Variants in TACC2 observed in about 807,000 individuals in gnomAD.
TACC2 encodes transforming acidic coiled-coil-containing protein 2.
A neutral mutation model predicts 227.3 loss-of-function variants in TACC2; 137 were observed. The observed-to-expected ratio is 0.60, with a 90% CI of 0.52 to 0.69. The LOEUF (loss-of-function observed/expected upper bound fraction) is 0.69, where lower values mean the gene tolerates loss of function less well. TACC2 is among the 30% of genes least tolerant of loss of function. The probability of loss-of-function intolerance (pLI) is 0.00; values close to 1 mark genes in which losing one functional copy is unlikely to be tolerated. For synonymous variants in TACC2, 1,523 were observed against 1,487.5 expected (o/e 1.02, Z -0.55); for missense variants, 3,470 against 3,694.4 (o/e 0.94, Z 1.57).
chr10:122,021,986 G>C lies in TACC2; in HGVS notation c.5G>C (p.Gly2Ala). 1.9e-6 allele frequency: 3 copies of C among 1,614,090 alleles called. No homozygotes were observed. Among genetic ancestry groups the C allele is most frequent in the Non-Finnish European group, 2.5e-6 (3 of 1,179,998 alleles). ...CGCTGGGAACACTGAATCAACATGG[G>C]CAATGAGAACAGCACCTCGGACAAC... Reference protein sequence around the residue: MGNENSTSDNQR... With the variant: MANENSTSDNQR... Residue 2 changes from glycine (G) to alanine (A), a missense_variant, in exon 2 of 23, where the codon GGC becomes GCC. This residue lies in a region of TACC2 where 405 missense variants were observed against 389.6 expected (regional missense o/e 1.04). Coordinates refer to ENST00000369005, the MANE Select transcript of TACC2 (RefSeq NM_206862.4).
At chr10:122,001,312 G>T (rs978344891) in intron 1 of TACC2, among the ~76,000 whole-genome samples, 1 of 152,208 alleles carries the variant, frequency 6.6e-6, no homozygotes, top group Non-Finnish European at 1.5e-5. Flanking sequence ...GGCAGAAGGC[G>T]AATGAGGAGC....
In TACC2 at chr10:122,194,952, C is replaced by T; in HGVS notation, c.5835-88C>T. 1 of 1,392,688 alleles carries T rather than the reference C, an allele frequency of 7.2e-7. No homozygotes were observed. 86.3% of individuals were successfully genotyped at this position (1,392,688 alleles called of 1,614,324 possible). ...GTTTAACTGAGCAGCGAGCCAGAAC[C>T]CACTGGCTCTGGGTGCGAAGGCCAC... On this transcript the variant is annotated intron_variant, in intron 7 of 22. Coordinates refer to ENST00000369005, the MANE Select transcript of TACC2 (RefSeq NM_206862.4). This position sits in a 1 kb window ranked among gnomAD's most constrained non-coding sequence, Gnocchi z 4.4.
chr10:122,224,631 C>A, intron 11 of TACC2, 95 bp from the exon 12 acceptor site: 1 of 1,082,404 alleles, frequency 9.2e-7, no homozygotes, highest in Non-Finnish European at 1.4e-6. Context: ...TGTGATAGCT[C>A]CCACCCTGCC....
intron 9 of TACC2, chr10:122,213,490 C>T: frequency 9.3e-7 from 1 of 1,078,770 alleles, no homozygotes; most frequent in Non-Finnish European, 1.4e-6. Context: ...TGATGTGTTT[C>T]TGTGGTGGGC....
chr10:122,207,490 G>GTC, intron 8 of TACC2, among the ~76,000 whole-genome samples: 1 of 152,288 alleles, frequency 6.6e-6, no homozygotes, highest in East Asian at 1.9e-4. Context: ...AGTGTTGGTT[G>GTC]TCACAGCTGG....
intron 1 of TACC2, among the ~76,000 whole-genome samples, chr10:121,998,397 C>A (rs1259761866): frequency 6.6e-6 from 1 of 151,698 alleles, no homozygotes; most frequent in Non-Finnish European, 1.5e-5. Flanking sequence ...CACTATGACC[C>A]TTGTCCTAGG....
intron 5 of TACC2, among the ~76,000 whole-genome samples, chr10:122,115,234 A>G (rs1217625495): frequency 3.9e-5 from 6 of 152,212 alleles, no homozygotes; most frequent in Non-Finnish European, 7.4e-5. Context: ...GTTGAATTGA[A>G]TGACACAGCC....
Position 122,183,656 on chromosome 10 carries a change from C to A in TACC2, c.5835-11384C>A, listed in dbSNP as rs530218572. Among the ~76,000 whole-genome samples, 10 of 152,280 alleles carry A rather than the reference C, an allele frequency of 6.6e-5. No individual in the cohort carries two copies. The South Asian group carries it at 1.9e-3, about 28-fold the overall frequency. On this transcript the variant is annotated intron_variant, in intron 7 of 22. Coordinates refer to ENST00000369005, the MANE Select transcript of TACC2 (RefSeq NM_206862.4). The stretch of plus-strand genomic sequence containing the variant: ...GATGCAGAAACTCTGCTGATTCGTT[C>A]CCCTGGAGGAGAGGTTGCTCTGGGA...
At chr10:122,047,633 A>C (rs2075177660) in intron 2 of TACC2, among the ~76,000 whole-genome samples, 2 of 152,216 alleles carry the variant, frequency 1.3e-5, no homozygotes, top group South Asian at 2.1e-4. Context: ...ATAATCGGTT[A>C]TGTCTAGATT....
intron 5 of TACC2, among the ~76,000 whole-genome samples, chr10:122,119,283 C>T (rs989851996): frequency 2.0e-5 from 3 of 152,202 alleles, no homozygotes; most frequent in African/African-American, 4.8e-5. Flanking sequence ...GGTTAATGAA[C>T]TTGCCTAGGG....
Position 122,223,036 on chromosome 10 carries a change from CCTCT to C in TACC2, c.7547-1675_7547-1672del, listed in dbSNP as rs11385698. On this transcript the variant is annotated intron_variant, in intron 11 of 22. Coordinates refer to ENST00000369005, the MANE Select transcript of TACC2 (RefSeq NM_206862.4). ...TGTCCATCCCTGTCTCCTTCCTCCT[CCTCT>C]CTCTCTCTCTCTCTTTTTTTTTTTT... Among the ~76,000 whole-genome samples, 891 of 141,038 alleles carry C rather than the reference CCTCT, an allele frequency of 6.3e-3. 11 individuals carry two copies. Among genetic ancestry groups the C allele is most frequent in the African/African-American group, 0.021 (794 of 38,444 alleles). 92.5% of individuals were successfully genotyped at this position (141,038 alleles called of 152,430 possible).
chr10:122,203,684 A>G lies in TACC2; in HGVS notation c.5972-6713A>G, dbSNP rs1395678977. 6.2e-5 allele frequency among the ~76,000 whole-genome samples: 9 copies of G among 146,034 alleles called. No homozygotes were observed. In the East Asian group the frequency reaches 8.4e-4, roughly 14 times the overall value. On this transcript the variant is annotated intron_variant, in intron 8 of 22. Coordinates refer to ENST00000369005, the MANE Select transcript of TACC2 (RefSeq NM_206862.4). ...TCCTCACTTTCCAGACTGGGCAGCC[A>G]GGCAGAGGGGCTCCTCACATCCCAG... is the stretch of plus-strand genomic sequence containing the variant.
In TACC2 at chr10:122,078,552, C is replaced by G. The variant is rs547777745; in HGVS notation, c.147-4095C>G. 2.0e-5 allele frequency among the ~76,000 whole-genome samples: 3 copies of G among 152,306 alleles called. No homozygotes were observed. In the East Asian group the frequency reaches 5.8e-4, roughly 29 times the overall value. The stretch of plus-strand genomic sequence containing the variant: ...TGGAGGCTCTAGTCCCTGGGCCCTC[C>G]CTGACCTCCACACAGAGGCAGTGCC... On this transcript the variant is annotated intron_variant, in intron 3 of 22. Coordinates refer to ENST00000369005, the MANE Select transcript of TACC2 (RefSeq NM_206862.4).
At chr10:122,128,114 C>G (rs1465234696) in intron 5 of TACC2, among the ~76,000 whole-genome samples, 1 of 151,766 alleles carries the variant, frequency 6.6e-6, no homozygotes, top group Non-Finnish European at 1.5e-5. Context: ...GAGCGAGGGA[C>G]AAGGCTGAGT....
At chr10:122,189,213 T>C in intron 7 of TACC2, among the ~76,000 whole-genome samples, 1 of 152,098 alleles carries the variant, frequency 6.6e-6, no homozygotes, top group East Asian at 1.9e-4. Context: ...GGCAAGACTA[T>C]CTGAAGGTCT....
intron 3 of TACC2, among the ~76,000 whole-genome samples, chr10:122,069,404 G>A (rs573886638): frequency 6.6e-6 from 1 of 152,132 alleles, no homozygotes; most frequent in South Asian, 2.1e-4. Flanking sequence ...ACTACGCCCG[G>A]CTAATTTTTT....
intron 18 of TACC2, among the ~76,000 whole-genome samples, chr10:122,239,511 G>A (rs1205637862): frequency 1.3e-5 from 2 of 152,180 alleles, no homozygotes; most frequent in Non-Finnish European, 1.5e-5. Flanking sequence ...ACATTCAAAC[G>A]AAAGCCCTGC....
Position 122,050,571 on chromosome 10 carries a change from G to A in TACC2, c.146+21G>A, listed in dbSNP as rs1249428715. The A allele has an allele frequency of 6.3e-7, 1 of 1,587,328 alleles. No individual in the cohort carries two copies. The highest frequency in any genetic ancestry group is 1.1e-5 in the South Asian group (1 of 90,488). On this transcript the variant is annotated intron_variant, in intron 3 of 22. Transcript: ENST00000369005. The surrounding 1 kb of genome is among the most constrained non-coding windows in gnomAD (Gnocchi z 4.6). ...TCCAGGTAGGAGGCCAGCTCTGGAG[G>A]ACTGATGCAGCCCAAGGACTGCCCC...
intron 16 of TACC2, among the ~76,000 whole-genome samples, chr10:122,237,073 G>A (rs1315750923): frequency 6.6e-6 from 1 of 152,208 alleles, no homozygotes; most frequent in African/African-American, 2.4e-5. Flanking sequence ...TGGGTTCTCA[G>A]GCGCTGTGCC....
Sources: gnomAD v4.1 joint callset for allele counts (sites outside exome capture counted in the v4.1 genomes callset) on GRCh38, gnomAD v4.1.1 for gene constraint, gnomAD v4.1.1 regional missense constraint, Gnocchi (gnomAD v3.1) non-coding constraint, MANE v1.5 for transcripts, NCBI Gene and HGNC (gene_info 2026-07-23, HGNC 2026-07-21) for gene names.